The following LSM14B variants were observed in gnomAD, a reference collection of about 807,000 sequenced individuals.
LSM14B encodes protein LSM14 homolog B.
In LSM14B, 8 loss-of-function variants were observed where a neutral mutation model predicts 42.1. That is an observed-to-expected ratio of 0.19 (90% CI 0.11 to 0.34). The LOEUF is 0.34. LSM14B is among the 10% of genes least tolerant of loss of function. The pLI is 1.00. For missense variants in LSM14B, 396 were observed against 513.1 expected (o/e 0.77, Z 2.21); for synonymous variants, 219 against 209.7 (o/e 1.04, Z -0.38).
intron 6 of LSM14B, among the ~76,000 whole-genome samples, chr20:62,131,137 G>C (rs2056754954): frequency 6.6e-6 from 1 of 152,214 alleles, no homozygotes; most frequent in Non-Finnish European, 1.5e-5. Context: ...GGTGCTGGGA[G>C]GTGTGAAAAT....
rs1482561043 is a variant in LSM14B, at chr20:62,130,296, G to GGTA, written c.673+1_673+3dup. On this transcript the variant is annotated inframe_insertion and splice_region_variant. Transcript: ENST00000279068. The surrounding 1 kb of genome is among the most constrained non-coding windows in gnomAD (Gnocchi z 4.1). The stretch of plus-strand genomic sequence containing the variant: ...CAGAAGACCTCAGAGGAGGCGATCA[G>GGTA]GTAACACCTGTTGCCACTTGATTTC... 6.3e-7 allele frequency: 1 copy of GGTA among 1,589,682 alleles called. No individual in the cohort carries two copies. The highest frequency in any genetic ancestry group is 1.8e-5 in the Admixed American group (1 of 56,180).
chr20:62,128,426 G>A (rs2056667090), intron 3 of LSM14B, among the ~76,000 whole-genome samples: 1 of 152,246 alleles, frequency 6.6e-6, no homozygotes, highest in Non-Finnish European at 1.5e-5. Context: ...CTGTCAGTCT[G>A]TCATTCTGCA....
chr20:62,122,879 C>G lies in LSM14B; in HGVS notation c.127+86C>G. On this transcript the variant is annotated intron_variant, in intron 1 of 8. Coordinates refer to ENST00000279068, the MANE Select transcript of LSM14B (RefSeq NM_144703.3). This position sits in a 1 kb window ranked among gnomAD's most constrained non-coding sequence, Gnocchi z 4.6. Reference sequence around the variant, plus strand: ...GTGCCCTCCCCGCCCCGGGGCGCCCCGGAGCCTGGCGCCCAGACCCCGCCC... The same window carrying G: ...GTGCCCTCCCCGCCCCGGGGCGCCCGGGAGCCTGGCGCCCAGACCCCGCCC... 2 of 1,177,910 alleles carry G rather than the reference C, an allele frequency of 1.7e-6. No homozygotes were observed. The highest frequency in any genetic ancestry group is 1.1e-6 in the Non-Finnish European group (1 of 930,460). 73.0% of individuals were successfully genotyped at this position (1,177,910 alleles called of 1,614,324 possible).
rs201035532 is a variant in LSM14B, at chr20:62,129,805, C to A, written c.448C>A (p.Pro150Thr). ...TTCAGGAGCTGGTTTTCCATCCATC[C>A]CAGTCGGCAAGAGCCCCATGGTGGA... ...LGLGAGFPSI[P>T]VGKSPMVEQA... The change falls in exon 4 of 9, where the codon CCA (proline) becomes ACA (threonine). Residue 150 changes from proline to threonine, a missense_variant. By Grantham distance (38) the Pro-to-Thr change is conservative. This residue lies in a region of LSM14B where 274 missense variants were observed against 335.8 expected (regional missense o/e 0.82). Transcript: ENST00000279068. 3.7e-6 allele frequency: 6 copies of A among 1,610,708 alleles called. No individual in the cohort carries two copies. Among genetic ancestry groups the A allele is most frequent in the Non-Finnish European group, 5.1e-6 (6 of 1,178,632 alleles).
In LSM14B at chr20:62,126,086, A is replaced by G. The variant is rs2056590984; in HGVS notation, c.292-218A>G. The G allele has an allele frequency of 3.6e-5, 23 of 647,822 alleles. No homozygotes were observed. In the South Asian group the frequency reaches 3.8e-4, roughly 11 times the overall value. The allele number at this position is 647,822 out of a possible 1,614,324, so 40.1% of individuals were successfully genotyped here. ...AAAACAAAAAACAAAACAAAACAAA[A>G]AAAGGAATTACATGGACAGGTGAAA... On this transcript the variant is annotated intron_variant, in intron 2 of 8. Transcript: ENST00000279068.
rs2056735219 is a variant in LSM14B, at chr20:62,130,472, G to A, written c.674-58G>A. The A allele has an allele frequency of 6.3e-7, 1 of 1,592,810 alleles. No homozygotes were observed. Among genetic ancestry groups the A allele is most frequent in the South Asian group, 1.1e-5 (1 of 88,448 alleles). The stretch of plus-strand genomic sequence containing the variant: ...TGTGCCTGGAAATTCCTTGTGAGGT[G>A]TTTGAGATCACTGGGTTGGTGACCT... On this transcript the variant is annotated intron_variant, in intron 5 of 8. Transcript: ENST00000279068. The surrounding 1 kb of genome is among the most constrained non-coding windows in gnomAD (Gnocchi z 4.1).
In LSM14B at chr20:62,130,179, C is replaced by A; in HGVS notation, c.596-40C>A. The A allele has an allele frequency of 6.4e-7, 1 of 1,560,278 alleles. No homozygotes were observed. Among genetic ancestry groups the A allele is most frequent in the Non-Finnish European group, 8.7e-7 (1 of 1,152,554 alleles). ...ACAGCTGGGTTCTGGCTTCCGGCTG[C>A]TATAGGAGCTTTGCCTTACTCTTCC... On this transcript the variant is annotated intron_variant, in intron 4 of 8. Coordinates refer to ENST00000279068, the MANE Select transcript of LSM14B (RefSeq NM_144703.3). The surrounding 1 kb of genome is among the most constrained non-coding windows in gnomAD (Gnocchi z 4.1).
rs201434190 is a variant in LSM14B at position 62,129,854 on chromosome 20, C to G, written c.497C>G (p.Ala166Gly). 1,327 of 1,612,546 alleles carry G rather than the reference C, an allele frequency of 8.2e-4. No individual in the cohort carries two copies. The highest frequency in any genetic ancestry group is 1.0e-3 in the Non-Finnish European group (1,238 of 1,179,360). Reference protein sequence around the residue: ...MVEQAVQTGSADNLNAKKLLP... With the variant: ...MVEQAVQTGSGDNLNAKKLLP... ...GAGCAGGCTGTGCAGACTGGTTCTG[C>G]TGACAACCTGAATGCTAAAAAGCTG... Residue 166 changes from alanine (A) to glycine (G), a missense_variant, in exon 4 of 9, where the codon GCT (alanine) becomes GGT (glycine). By Grantham distance (60) the Ala-to-Gly change is moderately conservative (BLOSUM62 0). Transcript: ENST00000279068.
intron 2 of LSM14B, among the ~76,000 whole-genome samples, chr20:62,125,659 G>T (rs1300624899): frequency 1.3e-5 from 2 of 152,198 alleles, no homozygotes; most frequent in African/African-American, 4.8e-5. Context: ...GCTCCTCTGG[G>T]GTTCAGACTG....
rs779722984 is a variant in LSM14B at position 62,122,729 on chromosome 20, G to C, written c.63G>C (p.Gln21His). 5 of 1,525,806 alleles carry C rather than the reference G, an allele frequency of 3.3e-6. No homozygotes were observed. In the African/African-American group the frequency reaches 4.3e-5, roughly 13 times the overall value. 94.5% of individuals were successfully genotyped at this position (1,525,806 alleles called of 1,614,324 possible). ...AGATCAGCCTCATCTCCAAGGCGCA[G>C]ATCCGCTACGAGGGCATTCTCTACA... ...GSKISLISKA[Q>H]IRYEGILYTI... The change falls in exon 1 of 9, where the codon CAG (glutamine) becomes CAC (histidine). Residue 21 changes from glutamine to histidine, a missense_variant. Around this residue, in one of 3 missense-constraint regions of LSM14B, gnomAD observed 274 missense variants for 335.8 expected, o/e 0.82. Transcript: ENST00000279068. This position sits in a 1 kb window ranked among gnomAD's most constrained non-coding sequence, Gnocchi z 4.6.
chr20:62,127,919 C>T, intron 3 of LSM14B: 1 of 676,276 alleles, frequency 1.5e-6, no homozygotes, highest in Non-Finnish European at 2.7e-6. Context: ...TGTTCTCTCT[C>T]CCTGGGTCCA....
intron 3 of LSM14B, among the ~76,000 whole-genome samples, chr20:62,126,756 T>C (rs2056619802): frequency 6.6e-6 from 1 of 152,116 alleles, no homozygotes; most frequent in South Asian, 2.1e-4. Flanking sequence ...CCCAGCACTT[T>C]AGGAGGCCAA....
At chr20:62,126,541 A>G in intron 3 of LSM14B, 102 bp downstream of exon 3, 2 of 1,445,840 alleles carry the variant, frequency 1.4e-6, no homozygotes, top group Non-Finnish European at 1.9e-6. Context: ...TGTCATGCTC[A>G]GCTTGTAGAC....
Position 62,131,371 on chromosome 20 carries a change from A to AG in LSM14B, c.856dup (p.Glu286GlyfsTer17). 1 of 1,603,098 alleles carries AG rather than the reference A, an allele frequency of 6.2e-7. No individual in the cohort carries two copies. The highest frequency in any genetic ancestry group is 8.5e-7 in the Non-Finnish European group (1 of 1,174,314). On this transcript the variant is annotated frameshift_variant, in exon 7 of 9. Coordinates refer to ENST00000279068, the MANE Select transcript of LSM14B (RefSeq NM_144703.3). LOFTEE classifies it high-confidence loss of function. ...CTTTTTGTAGATGACAAGGCTGAGAAGGGGGAAGAGAAGGACCTGGCTGTG... is the reference window on the plus strand; with the variant it reads ...CTTTTTGTAGATGACAAGGCTGAGAAGGGGGGAAGAGAAGGACCTGGCTGTG...
chr20:62,126,008 C>G (rs781551468), intron 2 of LSM14B, among the ~76,000 whole-genome samples: 1 of 152,178 alleles, frequency 6.6e-6, no homozygotes, highest in Non-Finnish European at 1.5e-5. Context: ...TTGCAGTGAG[C>G]TGAGATCACG....
chr20:62,131,577 C>T (rs1051883720), intron 7 of LSM14B, 71 bp downstream of exon 7: 3 of 1,570,746 alleles, frequency 1.9e-6, no homozygotes, highest in Middle Eastern at 1.7e-4. Flanking sequence ...GGCTCTCAAC[C>T]TGAGGGCAGA....
At chr20:62,126,017 C>T (rs375424977) in intron 2 of LSM14B, among the ~76,000 whole-genome samples, 22 of 152,120 alleles carry the variant, frequency 1.4e-4, no homozygotes, top group Middle Eastern at 3.2e-3. Flanking sequence ...GCTGAGATCA[C>T]GCCATTGCAC....
At chr20:62,128,313 C>T (rs1044362171) in intron 3 of LSM14B, among the ~76,000 whole-genome samples, 4 of 152,210 alleles carry the variant, frequency 2.6e-5, no homozygotes, top group Non-Finnish European at 4.4e-5. Flanking sequence ...GACGATCTTG[C>T]TGTATGTTTG....
Position 62,124,666 on chromosome 20 carries a change from C to A in LSM14B, c.177C>A (p.Pro59=). The change falls in exon 2 of 9, where the codon CCC becomes CCA. Residue 59 remains proline, a synonymous_variant. Coordinates refer to ENST00000279068, the MANE Select transcript of LSM14B (RefSeq NM_144703.3). ...GTCCCACAGATAGGCCTGCGCCCCC[C>A]AGAGAGGAGATTTATGAGTACATCA... ...EDRPTDRPAP[P]REEIYEYIIF... 1 of 1,613,946 alleles carries A rather than the reference C, an allele frequency of 6.2e-7. No homozygotes were observed. Among genetic ancestry groups the A allele is most frequent in the Non-Finnish European group, 8.5e-7 (1 of 1,179,872 alleles).
Sources: allele counts gnomAD v4.1 joint callset (sites outside exome capture counted in the v4.1 genomes callset), GRCh38; gene constraint gnomAD v4.1.1; regional missense constraint gnomAD v4.1.1; non-coding constraint Gnocchi (gnomAD v3.1); transcripts MANE v1.5; gene names NCBI Gene and HGNC (gene_info 2026-07-23, HGNC 2026-07-21).